Variants in ASXL2 observed in about 807,000 individuals in gnomAD.
The protein encoded by ASXL2 is putative Polycomb group protein ASXL2.
ASXL2 carries 23 observed loss-of-function variants against 122.0 expected under a neutral mutation model. The ratio of observed to expected loss-of-function variants is 0.19; its 90% CI spans 0.14 to 0.27. The LOEUF (loss-of-function observed/expected upper bound fraction) is 0.27, where lower values mean the gene tolerates loss of function less well. Among genes scored for constraint, ASXL2 ranks in the 10% least tolerant of loss-of-function variants. ASXL2 has a pLI of 1.00. For synonymous variants in ASXL2, 650 were observed against 637.0 expected (o/e 1.02, Z -0.31); for missense variants, 1,518 against 1,713.8 (o/e 0.89, Z 2.02).
intron 5 of ASXL2, among the ~76,000 whole-genome samples, chr2:25,786,461 G>A (rs916025263): frequency 1.3e-5 from 2 of 151,330 alleles, no homozygotes; most frequent in Non-Finnish European, 2.9e-5. Flanking sequence ...GGATGGTCTC[G>A]ATCTCCTGAC....
intron 5 of ASXL2, among the ~76,000 whole-genome samples, chr2:25,783,225 AG>A (rs1417839094): frequency 1.3e-5 from 2 of 152,180 alleles, no homozygotes; most frequent in Admixed American, 6.5e-5. Flanking sequence ...GTTCTAACAC[AG>A]GTCTACTTCT....
intron 3 of ASXL2, among the ~76,000 whole-genome samples, chr2:25,831,623 C>CA (rs2089451941): frequency 6.6e-6 from 1 of 152,078 alleles, no homozygotes; most frequent in Non-Finnish European, 1.5e-5. Flanking sequence ...CACTGCACTC[C>CA]AGCCTGGGCA....
chr2:25,823,264 A>G (rs1326207292), intron 3 of ASXL2, among the ~76,000 whole-genome samples: 1 of 152,146 alleles, frequency 6.6e-6, no homozygotes, highest in Admixed American at 6.5e-5. Context: ...TCACCACCTA[A>G]GTCTCCTTTT....
intron 3 of ASXL2, among the ~76,000 whole-genome samples, chr2:25,824,478 TACAC>T (rs140466165): frequency 2.0e-5 from 3 of 148,688 alleles, no homozygotes; most frequent in Admixed American, 6.7e-5. Context: ...AGTGTGCACG[TACAC>T]ACACACACAC....
chr2:25,756,997 T>C (rs148462714), intron 9 of ASXL2, among the ~76,000 whole-genome samples: 5 of 152,314 alleles, frequency 3.3e-5, no homozygotes, highest in Non-Finnish European at 7.4e-5. Flanking sequence ...TGCAGTTTAA[T>C]CCTCCAACTG....
At chr2:25,764,543 G>C (rs1434146381) in intron 8 of ASXL2, among the ~76,000 whole-genome samples, 1 of 152,216 alleles carries the variant, frequency 6.6e-6, no homozygotes. Context: ...GCAGCCTGTG[G>C]TGGGTTGGGC....
At position 25,741,588 on chromosome 2, in the gene ASXL2, TTTC is replaced by T. The variant is rs2087828015; in HGVS notation, c.*438_*440del. 1.3e-5 allele frequency: 3 copies of T among 238,882 alleles called. No homozygotes were observed. The East Asian group carries it at 1.8e-4, about 14-fold the overall frequency. The allele number at this position is 238,882 out of a possible 1,614,324, so 14.8% of individuals were successfully genotyped here. A position where few individuals can be genotyped will look rare whatever the true frequency, so the allele number is the denominator to read the frequency against. On this transcript the variant is annotated 3_prime_UTR_variant, in exon 13 of 13. Transcript: ENST00000435504. ...CAGACAAAATCAGTGTGAATGGTCATTTCTTTAGACCATTCCTTCACTTTCCTT... is the reference window on the plus strand; with the variant it reads ...CAGACAAAATCAGTGTGAATGGTCATTTTAGACCATTCCTTCACTTTCCTT...
chr2:25,776,196 C>T (rs938767653), intron 5 of ASXL2, among the ~76,000 whole-genome samples: 1 of 152,108 alleles, frequency 6.6e-6, no homozygotes, highest in Admixed American at 6.6e-5. Context: ...TCCTAGGTAA[C>T]CAGTAATCTA....
At chr2:25,846,303 A>G (rs2089647988) in intron 1 of ASXL2, among the ~76,000 whole-genome samples, 1 of 152,132 alleles carries the variant, frequency 6.6e-6, no homozygotes, top group South Asian at 2.1e-4. Context: ...TGGTAATACC[A>G]GCAGTGGCTA....
At chr2:25,747,915 C>T (rs977641422) in intron 12 of ASXL2, among the ~76,000 whole-genome samples, 6 of 151,978 alleles carry the variant, frequency 3.9e-5, no homozygotes, top group Admixed American at 3.9e-4. Context: ...ACACCTATAA[C>T]CCTAGCACTT....
chr2:25,818,645 G>T (rs1445679424), intron 3 of ASXL2, among the ~76,000 whole-genome samples: 1 of 152,146 alleles, frequency 6.6e-6, no homozygotes, highest in African/African-American at 2.4e-5. Context: ...GTCATGCTAA[G>T]AATAAATGAA....
chr2:25,810,875 C>A (rs1435077845), intron 3 of ASXL2, among the ~76,000 whole-genome samples: 1 of 152,046 alleles, frequency 6.6e-6, no homozygotes, highest in Non-Finnish European at 1.5e-5. Flanking sequence ...ACAGTATATA[C>A]AAAAACATAT....
chr2:25,734,034 G>A lies in ASXL2; in HGVS notation c.*7995C>T. On this transcript the variant is annotated 3_prime_UTR_variant, in exon 13 of 13. Coordinates refer to ENST00000435504, the MANE Select transcript of ASXL2 (RefSeq NM_018263.6). ...TCTTAGTGCTGGTGAAGGGTGCAATGCAGTCACAGAATTAAGACAGGTTTT... is the reference window on the plus strand; with the variant it reads ...TCTTAGTGCTGGTGAAGGGTGCAATACAGTCACAGAATTAAGACAGGTTTT... The A allele has an allele frequency of 6.6e-6, 1 of 150,656 alleles. No individual in the cohort carries two copies. The highest frequency in any genetic ancestry group is 1.9e-4 in the East Asian group (1 of 5,166). 9.3% of individuals were successfully genotyped at this position (150,656 alleles called of 1,614,324 possible).
chr2:25,770,272 G>A (rs1334506076), intron 6 of ASXL2, among the ~76,000 whole-genome samples: 2 of 151,876 alleles, frequency 1.3e-5, no homozygotes, highest in Non-Finnish European at 2.9e-5. Context: ...GCAGTGGCAC[G>A]ATCTCGGCTC....
intron 3 of ASXL2, among the ~76,000 whole-genome samples, chr2:25,829,104 A>T (rs113604710): frequency 3.3e-5 from 5 of 152,266 alleles, no homozygotes; most frequent in Non-Finnish European, 7.4e-5. Context: ...AGGAATAGGA[A>T]ATAAAAAGTA....
At chr2:25,804,678 T>C (rs755981956) in intron 4 of ASXL2, among the ~76,000 whole-genome samples, 4 of 152,176 alleles carry the variant, frequency 2.6e-5, no homozygotes, top group East Asian at 1.9e-4. Context: ...CTCAAACTCA[T>C]TTGAGTTGGT....
rs762244436 is a variant in ASXL2, at chr2:25,742,215, A to G, written c.4122T>C (p.Asn1374=). ...GAATGGTCTGGCCATGGCTGCTGGG[A>G]TTCATAGCTTGGCTAGCAGGGATGG... ...VTTIPASQAM[N]PSSHGQTIPV... The change falls in exon 13 of 13, where the codon AAT becomes AAC. Residue 1374 remains asparagine, a synonymous_variant. Coordinates refer to ENST00000435504, the MANE Select transcript of ASXL2 (RefSeq NM_018263.6). The G allele has an allele frequency of 6.2e-7, 1 of 1,613,964 alleles. No homozygotes were observed. Among genetic ancestry groups the G allele is most frequent in the Non-Finnish European group, 8.5e-7 (1 of 1,179,886 alleles).
intron 5 of ASXL2, among the ~76,000 whole-genome samples, chr2:25,782,631 G>A (rs551340590): frequency 6.6e-6 from 1 of 152,106 alleles, no homozygotes; most frequent in Non-Finnish European, 1.5e-5. Flanking sequence ...GACTCATTCT[G>A]GCTAAAGGAT....
rs2088810465 is a variant in ASXL2, at chr2:25,790,290, G to A, written c.403+9095C>T. The stretch of plus-strand genomic sequence containing the variant: ...ATTTGAGAATAAACTAGCTAACTGA[G>A]GTGGTGGTGATATGAGTCGCAGTTG... On this transcript the variant is annotated intron_variant, in intron 5 of 12. Transcript: ENST00000435504. 2.0e-5 allele frequency among the ~76,000 whole-genome samples: 3 copies of A among 146,922 alleles called. No individual in the cohort carries two copies. The South Asian group carries it at 6.6e-4, about 32-fold the overall frequency.
Sources: allele counts gnomAD v4.1 joint callset (sites outside exome capture counted in the v4.1 genomes callset), GRCh38; gene constraint gnomAD v4.1.1; transcripts MANE v1.5; gene names NCBI Gene and HGNC (gene_info 2026-07-23, HGNC 2026-07-21).